The following THSD1 variants were observed in gnomAD, a reference collection of about 807,000 sequenced individuals.
THSD1 encodes the protein thrombospondin type-1 domain-containing protein 1.
Under a neutral mutation model 46.3 loss-of-function variants are expected in THSD1, and 34 were observed. That is an observed-to-expected ratio of 0.74 (90% CI 0.56 to 0.98). THSD1 has a LOEUF of 0.98. Ranked by LOEUF, THSD1 falls within the 50% of genes least tolerant of loss-of-function variation. THSD1 has a pLI of 0.00. For synonymous variants in THSD1, 407 were observed against 416.5 expected (o/e 0.98, Z 0.28); for missense variants, 1,023 against 1,058.3 (o/e 0.97, Z 0.46).
intron 1 of THSD1, among the ~76,000 whole-genome samples, chr13:52,403,677 T>C (rs1209973487): frequency 6.6e-6 from 1 of 152,056 alleles, no homozygotes; most frequent in African/African-American, 2.4e-5. Context: ...GAAACGGGGT[T>C]TCATTGTGTT....
intron 2 of THSD1, among the ~76,000 whole-genome samples, chr13:52,399,802 T>C (rs1957840193): frequency 6.6e-6 from 1 of 152,174 alleles, no homozygotes; most frequent in Non-Finnish European, 1.5e-5. Flanking sequence ...TGGTGCAGCT[T>C]GTGTACTGGA....
intron 4 of THSD1, among the ~76,000 whole-genome samples, chr13:52,382,183 C>T (rs1428307632): frequency 6.6e-6 from 1 of 152,198 alleles, no homozygotes; most frequent in Non-Finnish European, 1.5e-5. Context: ...GCCCAAGACT[C>T]ACCATCTTCC....
chr13:52,393,332 A>T (rs1222881134), intron 3 of THSD1, among the ~76,000 whole-genome samples: 1 of 152,262 alleles, frequency 6.6e-6, no homozygotes, highest in Admixed American at 6.5e-5. Context: ...TAAGTGGAAT[A>T]AAGATTATAA....
In THSD1 at chr13:52,377,935, G is replaced by C; in HGVS notation, c.2035C>G (p.Pro679Ala). The C allele has an allele frequency of 1.2e-6, 2 of 1,614,148 alleles. No homozygotes were observed. The highest frequency in any genetic ancestry group is 2.2e-5 in the South Asian group (2 of 91,082). Residue 679 changes from proline (P) to alanine (A), a missense_variant, in exon 5 of 5, where the codon CCT becomes GCT. Around this residue, in one of 3 missense-constraint regions of THSD1, gnomAD observed 578 missense variants for 497.4 expected, o/e 1.16. Coordinates refer to ENST00000258613, the MANE Select transcript of THSD1 (RefSeq NM_018676.4). Reference sequence around the variant, plus strand: ...GTCCGCGTCCTAGAGCTGTAGGCAGGGGCCTGCCGTGGAGTCAGAGTGGAC... The same window carrying C: ...GTCCGCGTCCTAGAGCTGTAGGCAGCGGCCTGCCGTGGAGTCAGAGTGGAC... ...SMSTLTPRQA[P>A]AYSSRTRTCE...
intron 3 of THSD1, among the ~76,000 whole-genome samples, chr13:52,394,801 G>A (rs1055013702): frequency 2.6e-5 from 4 of 152,158 alleles, no homozygotes; most frequent in African/African-American, 7.2e-5. Context: ...CTTCATAGCA[G>A]CACGAGTCAG....
chr13:52,401,374 A>C (rs1179841239), intron 2 of THSD1, among the ~76,000 whole-genome samples: 1 of 151,366 alleles, frequency 6.6e-6, no homozygotes, highest in Non-Finnish European at 1.5e-5. Flanking sequence ...ATCTCGGCTC[A>C]CTGCAAGCTC....
At chr13:52,399,039 A>C (rs914150057) in intron 2 of THSD1, among the ~76,000 whole-genome samples, 3 of 152,244 alleles carry the variant, frequency 2.0e-5, no homozygotes, top group African/African-American at 7.2e-5. Context: ...TGGATAAGAA[A>C]TGTTGACACT....
At chr13:52,383,076 T>G (rs756341019) in intron 4 of THSD1, among the ~76,000 whole-genome samples, 1 of 152,126 alleles carries the variant, frequency 6.6e-6, no homozygotes, top group East Asian at 1.9e-4. Context: ...AAAGCTTCTA[T>G]AGCAAGCTGT....
chr13:52,402,918 T>C, intron 1 of THSD1: 2 of 985,414 alleles, frequency 2.0e-6, no homozygotes, highest in Non-Finnish European at 2.4e-6. Context: ...AAAATTATCT[T>C]TGCACAACAC....
At chr13:52,399,209 T>C (rs1185653443) in intron 2 of THSD1, among the ~76,000 whole-genome samples, 2 of 152,186 alleles carry the variant, frequency 1.3e-5, no homozygotes, top group Non-Finnish European at 2.9e-5. Context: ...ATCATATCTT[T>C]TAAAAAGAGA....
chr13:52,383,736 A>G (rs1051589900), intron 4 of THSD1, among the ~76,000 whole-genome samples: 3 of 152,262 alleles, frequency 2.0e-5, no homozygotes, highest in Non-Finnish European at 2.9e-5. Context: ...TACATTTCCA[A>G]AGAATGGAAA....
chr13:52,382,493 G>GC (rs1207879660), intron 4 of THSD1, among the ~76,000 whole-genome samples: 7 of 152,032 alleles, frequency 4.6e-5, no homozygotes, highest in Non-Finnish European at 7.4e-5. Flanking sequence ...AACCTTCAAG[G>GC]CCCCTCAGGA....
At chr13:52,404,724 TAAG>T (rs1346399820) in intron 1 of THSD1, among the ~76,000 whole-genome samples, 2 of 152,196 alleles carry the variant, frequency 1.3e-5, no homozygotes, top group African/African-American at 2.4e-5. Flanking sequence ...GTAACCAAAC[TAAG>T]AAGAAGCAAG....
chr13:52,383,525 G>C (rs746398198), intron 4 of THSD1, among the ~76,000 whole-genome samples: 5 of 152,232 alleles, frequency 3.3e-5, no homozygotes, highest in Non-Finnish European at 5.9e-5. Flanking sequence ...GCTCATGACA[G>C]TGGGTAGCAG....
chr13:52,398,208 G>C lies in THSD1; in HGVS notation c.59-14C>G. On this transcript the variant is annotated splice_polypyrimidine_tract_variant and intron_variant, in intron 2 of 4. Coordinates refer to ENST00000258613, the MANE Select transcript of THSD1 (RefSeq NM_018676.4). ...CTTCTCCAAGAACTGAAATGAAGTG[G>C]TCAGAATTGGTTTTTAAAAGGTGCA... 1 of 1,597,148 alleles carries C rather than the reference G, an allele frequency of 6.3e-7. No homozygotes were observed. The highest frequency in any genetic ancestry group is 8.5e-7 in the Non-Finnish European group (1 of 1,171,036).
rs768589132 is a variant in THSD1, at chr13:52,386,115, G to T, written c.1093C>A (p.Arg365=). 6.2e-7 allele frequency: 1 copy of T among 1,614,114 alleles called. No individual in the cohort carries two copies. Among genetic ancestry groups the T allele is most frequent in the Non-Finnish European group, 8.5e-7 (1 of 1,180,022 alleles). Residue 365 remains arginine (R), a synonymous_variant, in exon 4 of 5, where the codon CGA becomes AGA. Transcript: ENST00000258613. The stretch of plus-strand genomic sequence containing the variant: ...GAGGGGAAGGAAGTGAGACACACTC[G>T]GCGACGCTCTCTGACACCATCCCCA... The part of the protein sequence containing the change: ...TCGDGVRERR[R]VCLTSFPSSP...
At chr13:52,385,530 G>C (rs1957724422) in intron 4 of THSD1, among the ~76,000 whole-genome samples, 2 of 152,096 alleles carry the variant, frequency 1.3e-5, no homozygotes, top group African/African-American at 4.8e-5. Flanking sequence ...CTCTGGGTAG[G>C]GGCAGTAAGG....
chr13:52,388,192 AT>A (rs773727354), intron 3 of THSD1, among the ~76,000 whole-genome samples: 14 of 130,392 alleles, frequency 1.1e-4, no homozygotes, highest in South Asian at 1.0e-3. Context: ...AAAAAAAAAA[AT>A]ATATATGTAT....
At chr13:52,394,378 C>T (rs2137740667) in intron 3 of THSD1, among the ~76,000 whole-genome samples, 1 of 152,188 alleles carries the variant, frequency 6.6e-6, no homozygotes, top group Non-Finnish European at 1.5e-5. Context: ...CTTTGGGAGG[C>T]CGAGGCAGGT....
Sources: gnomAD v4.1 joint callset for allele counts (sites outside exome capture counted in the v4.1 genomes callset) on GRCh38, gnomAD v4.1.1 for gene constraint, gnomAD v4.1.1 regional missense constraint, MANE v1.5 for transcripts, NCBI Gene and HGNC (gene_info 2026-07-23, HGNC 2026-07-21) for gene names.